The following SIPA1L1 variants were observed in gnomAD, a reference collection of about 807,000 sequenced individuals.
SIPA1L1 encodes the protein signal induced proliferation associated 1 like 1.
Under a neutral mutation model 162.7 loss-of-function variants are expected in SIPA1L1, and 26 were observed. The ratio of observed to expected loss-of-function variants is 0.16; its 90% confidence interval spans 0.12 to 0.22. The LOEUF is 0.22. Ranked by LOEUF, SIPA1L1 falls within the 10% of genes least tolerant of loss-of-function variation. SIPA1L1 has a pLI of 1.00. For missense variants in SIPA1L1, 1,874 were observed against 2,241.0 expected (o/e 0.84, Z 3.31); for synonymous variants, 829 against 837.4 (o/e 0.99, Z 0.17).
chr14:71,601,054 T>G (rs2148006580), intron 5 of SIPA1L1, among the ~76,000 whole-genome samples: 1 of 152,304 alleles, frequency 6.6e-6, no homozygotes, highest in Non-Finnish European at 1.5e-5. Flanking sequence ...AGAGGGACGG[T>G]TTGACTTCAT....
chr14:71,651,305 T>A (rs1214707775), intron 8 of SIPA1L1, among the ~76,000 whole-genome samples: 1 of 152,192 alleles, frequency 6.6e-6, no homozygotes, highest in African/African-American at 2.4e-5. Context: ...GTCTTGGGAT[T>A]AGCACATCTG....
At chr14:71,497,314 G>A (rs908948803) in intron 2 of SIPA1L1, among the ~76,000 whole-genome samples, 1 of 152,116 alleles carries the variant, frequency 6.6e-6, no homozygotes, top group Non-Finnish European at 1.5e-5. Context: ...CAGAATGCTG[G>A]GGATTACAGA....
At chr14:71,727,168 A>G (rs1463280527) in intron 19 of SIPA1L1, among the ~76,000 whole-genome samples, 3 of 152,242 alleles carry the variant, frequency 2.0e-5, no homozygotes, top group East Asian at 3.9e-4. Context: ...CAAGGGTGGC[A>G]TACAGTCTGA....
intron 2 of SIPA1L1, among the ~76,000 whole-genome samples, chr14:71,512,097 C>T (rs546674769): frequency 8.8e-4 from 134 of 152,294 alleles, no homozygotes; most frequent in Non-Finnish European, 7.1e-4. Context: ...CCACCTCCCA[C>T]GCAATTTATT....
intron 2 of SIPA1L1, among the ~76,000 whole-genome samples, chr14:71,436,262 C>T (rs914706332): frequency 6.6e-6 from 1 of 152,026 alleles, no homozygotes; most frequent in African/African-American, 2.4e-5. Flanking sequence ...GTAATTTTTG[C>T]TATATATGAA....
At chr14:71,409,523 A>G (rs946555863) in intron 2 of SIPA1L1, among the ~76,000 whole-genome samples, 1 of 152,196 alleles carries the variant, frequency 6.6e-6, no homozygotes, top group African/African-American at 2.4e-5. Flanking sequence ...GGGAAAGGTG[A>G]AAACTAGGTT....
intron 2 of SIPA1L1, among the ~76,000 whole-genome samples, chr14:71,467,600 G>A (rs1409505756): frequency 1.3e-5 from 2 of 152,122 alleles, no homozygotes; most frequent in Non-Finnish European, 2.9e-5. Context: ...TGTGATTGGT[G>A]CCACAGCTTA....
intron 10 of SIPA1L1, among the ~76,000 whole-genome samples, chr14:71,667,767 C>T (rs2044157291): frequency 6.6e-6 from 1 of 152,070 alleles, no homozygotes. Context: ...CTAAACTGTT[C>T]AGAAGTCTTT....
chr14:71,463,367 C>G (rs1417371913), intron 2 of SIPA1L1, among the ~76,000 whole-genome samples: 1 of 152,160 alleles, frequency 6.6e-6, no homozygotes, highest in Non-Finnish European at 1.5e-5. Flanking sequence ...ACCCACTGTA[C>G]CCACTGTAAG....
intron 1 of SIPA1L1, among the ~76,000 whole-genome samples, 196 bp from the exon 2 acceptor site, chr14:71,320,926 C>T (rs900026736): frequency 6.6e-6 from 1 of 151,964 alleles, no homozygotes; most frequent in Non-Finnish European, 1.5e-5. Flanking sequence ...CGGCCCCCGC[C>T]GGCCCCCCGC....
At chr14:71,611,115 A>G (rs2038156639) in intron 5 of SIPA1L1, among the ~76,000 whole-genome samples, 1 of 152,178 alleles carries the variant, frequency 6.6e-6, no homozygotes, top group Admixed American at 6.5e-5. Context: ...AATTAGGATG[A>G]GCCCTTTGAG....
chr14:71,626,492 G>T (rs756084501), intron 7 of SIPA1L1, among the ~76,000 whole-genome samples: 9 of 152,178 alleles, frequency 5.9e-5, no homozygotes, highest in Non-Finnish European at 8.8e-5. Flanking sequence ...AATTTTTTTG[G>T]TAGGAAATCT....
intron 2 of SIPA1L1, among the ~76,000 whole-genome samples, chr14:71,365,964 C>T (rs948813187): frequency 1.3e-5 from 2 of 150,678 alleles, no homozygotes; most frequent in African/African-American, 4.9e-5. Context: ...GGGCTCAAGC[C>T]GTCCTCCTGC....
chr14:71,712,480 T>G (rs902623043), intron 17 of SIPA1L1, among the ~76,000 whole-genome samples: 1 of 152,194 alleles, frequency 6.6e-6, no homozygotes, highest in African/African-American at 2.4e-5. Flanking sequence ...TTTTATTTTA[T>G]TTTTTGGTAA....
In SIPA1L1 at chr14:71,709,242, C is replaced by T. The variant is rs2286134; in HGVS notation, c.3786C>T (p.Ser1262=). ...TGCAGTCTGATAGCCACTACTCGAG[C>T]CACTCCAGTAGCAATACTCTCTCCA... ...KQGHSDSHYS[S]HSSSNTLSSN... The change falls in exon 17 of 24, where the codon AGC becomes AGT. Residue 1262 remains serine, a synonymous_variant. Transcript: ENST00000381232. 665 of 1,613,300 alleles carry T rather than the reference C, an allele frequency of 4.1e-4. 7 individuals carry two copies. In the East Asian group the frequency reaches 7.8e-3, roughly 19 times the overall value.
intron 17 of SIPA1L1, among the ~76,000 whole-genome samples, chr14:71,713,677 G>A (rs542315313): frequency 1.3e-5 from 2 of 152,344 alleles, no homozygotes; most frequent in African/African-American, 4.8e-5. Flanking sequence ...GGCTTCTTAT[G>A]TGTGGTTTAC....
intron 5 of SIPA1L1, among the ~76,000 whole-genome samples, chr14:71,600,417 A>T (rs1334912996): frequency 6.6e-6 from 1 of 151,736 alleles, no homozygotes; most frequent in East Asian, 1.9e-4. Context: ...AAATATATGA[A>T]TTTTTCTGTA....
At chr14:71,566,300 ATATGTTACTGAG>A in intron 4 of SIPA1L1, among the ~76,000 whole-genome samples, 1 of 152,356 alleles carries the variant, frequency 6.6e-6, no homozygotes, top group East Asian at 1.9e-4. Flanking sequence ...TAGGAGCTGT[ATATGTTACTGAG>A]TGGGAAGTCT....
chr14:71,736,106 C>T (rs1333916516), intron 22 of SIPA1L1, among the ~76,000 whole-genome samples: 1 of 152,188 alleles, frequency 6.6e-6, no homozygotes. Context: ...TCCCTTAAAA[C>T]CCTTTGAGGC....
Sources: gnomAD v4.1 joint callset for allele counts (sites outside exome capture counted in the v4.1 genomes callset) on GRCh38, gnomAD v4.1.1 for gene constraint, MANE v1.5 for transcripts, NCBI Gene and HGNC (gene_info 2026-07-23, HGNC 2026-07-21) for gene names.